Variants in PPP4R1 observed in about 807,000 individuals in gnomAD.
The protein encoded by PPP4R1 is serine/threonine-protein phosphatase 4 regulatory subunit 1.
Under a neutral mutation model 111.2 loss-of-function variants are expected in PPP4R1, and 42 were observed. The observed-to-expected ratio is 0.38, with a 90% CI of 0.29 to 0.49. The LOEUF (loss-of-function observed/expected upper bound fraction) is 0.49, where lower values mean the gene tolerates loss of function less well. PPP4R1 is among the 20% of genes least tolerant of loss of function. The pLI is 0.97. For missense variants in PPP4R1, 1,012 were observed against 1,161.6 expected, an observed-to-expected ratio of 0.87 and a Z score of 1.87; for synonymous variants, 409 against 405.5, an observed-to-expected ratio of 1.01 and a Z score of -0.10.
Position 9,547,724 on chromosome 18 carries a change from C to A in PPP4R1, c.*65G>T. 1 of 1,573,788 alleles carries A rather than the reference C, an allele frequency of 6.4e-7. No individual in the cohort carries two copies. The highest frequency in any genetic ancestry group is 1.3e-5 in the African/African-American group (1 of 74,184). On this transcript the variant is annotated 3_prime_UTR_variant, in exon 20 of 20. Transcript: ENST00000400556. ...CCCGAAAGCTATCCCAGGTCACATG[C>A]GTGGCGAATGCCCACTGAACCTCGG...
chr18:9,584,621 A>G, intron 7 of PPP4R1, 41 bp from the exon 8 acceptor site: 7 of 1,606,922 alleles, frequency 4.4e-6, no homozygotes, highest in Non-Finnish European at 6.0e-6. Flanking sequence ...AATATTACAC[A>G]TAAGGTTCTT....
chr18:9,553,888 G>A (rs1263222184), intron 15 of PPP4R1, among the ~76,000 whole-genome samples: 1 of 152,196 alleles, frequency 6.6e-6, no homozygotes, highest in African/African-American at 2.4e-5. Flanking sequence ...ATATTTAAAG[G>A]TAAGTTTATA....
chr18:9,577,793 AAAG>A (rs1017025609), intron 9 of PPP4R1, among the ~76,000 whole-genome samples: 2 of 152,238 alleles, frequency 1.3e-5, no homozygotes, highest in African/African-American at 4.8e-5. Context: ...GAACAAAACT[AAAG>A]AAGGTCCTGC....
intron 2 of PPP4R1, among the ~76,000 whole-genome samples, chr18:9,599,245 C>T (rs571867100): frequency 3.3e-5 from 5 of 152,166 alleles, no homozygotes; most frequent in African/African-American, 9.6e-5. Flanking sequence ...AAAGCTCTTA[C>T]GCTGTGTGTG....
At chr18:9,602,367 TAAAAAAA>T (rs11324056) in intron 2 of PPP4R1, among the ~76,000 whole-genome samples, 40 of 45,144 alleles carry the variant, frequency 8.9e-4, no homozygotes, top group Non-Finnish European at 1.4e-3. Flanking sequence ...CCATCTCTAC[TAAAAAAA>T]AAAAAAAAAA....
intron 16 of PPP4R1, chr18:9,551,585 C>T (rs770276816): frequency 6.6e-6 from 1 of 152,284 alleles, no homozygotes; most frequent in Non-Finnish European, 1.5e-5. Flanking sequence ...AAGCAACTGA[C>T]TGACAGCCAT....
intron 2 of PPP4R1, among the ~76,000 whole-genome samples, chr18:9,602,522 G>C (rs2067405111): frequency 6.6e-6 from 1 of 150,646 alleles, no homozygotes; most frequent in South Asian, 2.1e-4. Flanking sequence ...CTCCAGCCTG[G>C]GCGACAGAGC....
At chr18:9,577,438 G>A (rs1460558304) in intron 9 of PPP4R1, among the ~76,000 whole-genome samples, 1 of 152,196 alleles carries the variant, frequency 6.6e-6, no homozygotes, top group African/African-American at 2.4e-5. Context: ...GCTGAGCTGG[G>A]CAGATCGCTT....
At chr18:9,560,243 T>C (rs1186514719) in intron 13 of PPP4R1, among the ~76,000 whole-genome samples, 1 of 152,186 alleles carries the variant, frequency 6.6e-6, no homozygotes, top group Middle Eastern at 3.2e-3. Context: ...ATAGCACCAC[T>C]GTACTCCAGC....
chr18:9,574,563 G>C lies in PPP4R1; in HGVS notation c.1046+2501C>G, dbSNP rs1188436139. Among the ~76,000 whole-genome samples the C allele has an allele frequency of 5.9e-5, 9 of 152,260 alleles. No individual in the cohort carries two copies. In the East Asian group the frequency reaches 1.7e-3, roughly 29 times the overall value. On this transcript the variant is annotated intron_variant, in intron 10 of 19. Transcript: ENST00000400556. Reference sequence around the variant, plus strand: ...TGGTTTAGTTACTTCAGATTTTTGAGGTCAAATCCATATTTCCCTAGAATA... The same window carrying C: ...TGGTTTAGTTACTTCAGATTTTTGACGTCAAATCCATATTTCCCTAGAATA...
intron 2 of PPP4R1, among the ~76,000 whole-genome samples, chr18:9,611,764 C>T (rs1305046021): frequency 6.6e-6 from 1 of 151,550 alleles, no homozygotes; most frequent in African/African-American, 2.4e-5. Flanking sequence ...GTAATCCCAG[C>T]ACTTTGGGAG....
rs774965063 is a variant in PPP4R1, at chr18:9,584,703, A to G, written c.693+18T>C. ...AACTATGTTCTTAAACAGCAGAAAAAAAACGACAAAAAAATACCTTTCGAA... is the reference window on the plus strand; with the variant it reads ...AACTATGTTCTTAAACAGCAGAAAAGAAACGACAAAAAAATACCTTTCGAA... On this transcript the variant is annotated intron_variant, in intron 7 of 19. Transcript: ENST00000400556. 1 of 1,612,142 alleles carries G rather than the reference A, an allele frequency of 6.2e-7. No homozygotes were observed. Among genetic ancestry groups the G allele is most frequent in the Non-Finnish European group, 8.5e-7 (1 of 1,178,690 alleles).
intron 16 of PPP4R1, 75 bp from the exon 17 acceptor site, chr18:9,550,473 C>A (rs2066471418): frequency 1.4e-6 from 2 of 1,462,990 alleles, no homozygotes; most frequent in African/African-American, 1.4e-5. Flanking sequence ...CCATTTAAAT[C>A]ATCTGTAATA....
upstream of PPP4R1, chr18:9,615,304 C>T (rs2067675770): frequency 6.6e-6 from 1 of 152,234 alleles, no homozygotes. Context: ...TTGGCAGGCC[C>T]GGGGTCAGAT....
intron 5 of PPP4R1, 54 bp downstream of exon 5, chr18:9,588,657 C>G (rs539930079): frequency 6.8e-7 from 1 of 1,472,552 alleles, no homozygotes; most frequent in East Asian, 2.3e-5. Context: ...CGGCTATTCT[C>G]CATATATTAC....
intron 11 of PPP4R1, among the ~76,000 whole-genome samples, chr18:9,566,034 C>T (rs1407116250): frequency 1.3e-5 from 2 of 151,942 alleles, no homozygotes; most frequent in South Asian, 2.1e-4. Flanking sequence ...CCCCAGCCTC[C>T]CTAGCAGCTA....
intron 13 of PPP4R1, among the ~76,000 whole-genome samples, chr18:9,560,633 T>A (rs985227720): frequency 1.3e-5 from 2 of 152,184 alleles, no homozygotes; most frequent in Non-Finnish European, 2.9e-5. Context: ...TGAAAATGTC[T>A]GTAAGTGGGG....
intron 2 of PPP4R1, chr18:9,613,558 G>A (rs768446899): frequency 6.6e-6 from 1 of 152,230 alleles, no homozygotes; most frequent in Non-Finnish European, 1.5e-5. Context: ...TAACACTGAA[G>A]GAGGGCTGGG....
At chr18:9,593,485 A>AT (rs1042514291) in intron 4 of PPP4R1, among the ~76,000 whole-genome samples, 1 of 152,086 alleles carries the variant, frequency 6.6e-6, no homozygotes, top group African/African-American at 2.4e-5. Context: ...TATTCTATAT[A>AT]TTTTTATTAA....
Sources: allele counts gnomAD v4.1 joint callset (sites outside exome capture counted in the v4.1 genomes callset), GRCh38; gene constraint gnomAD v4.1.1; transcripts MANE v1.5; gene names NCBI Gene and HGNC (gene_info 2026-07-23, HGNC 2026-07-21).